Variants in RPTOR observed in about 807,000 individuals in gnomAD.
RPTOR encodes the protein regulatory-associated protein of mTOR.
RPTOR carries 21 observed loss-of-function variants against 169.9 expected under a neutral mutation model. The observed-to-expected ratio is 0.12, with a 90% confidence interval of 0.09 to 0.18. The LOEUF (loss-of-function observed/expected upper bound fraction) is 0.18, where lower values mean the gene tolerates loss of function less well. Among genes scored for constraint, RPTOR ranks in the 10% least tolerant of loss-of-function variants. The pLI is 1.00. For synonymous variants in RPTOR, 732 were observed against 753.2 expected (o/e 0.97, Z 0.46); for missense variants, 1,133 against 1,855.9 (o/e 0.61, Z 7.16).
At chr17:80,903,653 G>C (rs1338254345) in intron 20 of RPTOR, among the ~76,000 whole-genome samples, 3 of 152,184 alleles carry the variant, frequency 2.0e-5, no homozygotes, top group African/African-American at 4.8e-5. Context: ...TGGGTACCTA[G>C]AACTACAGTT....
chr17:80,758,234 C>T (rs1443116430), intron 6 of RPTOR, among the ~76,000 whole-genome samples: 1 of 152,188 alleles, frequency 6.6e-6, no homozygotes, highest in Non-Finnish European at 1.5e-5. Context: ...CCTTATGGCA[C>T]CAAGGGCTGT....
intron 1 of RPTOR, among the ~76,000 whole-genome samples, chr17:80,554,783 AC>A (rs1454430668): frequency 5.9e-5 from 9 of 151,284 alleles, no homozygotes; most frequent in African/African-American, 2.2e-4. Context: ...AACAACAACA[AC>A]AAAAAAAATG....
chr17:80,889,110 G>A (rs542445591), intron 17 of RPTOR, among the ~76,000 whole-genome samples: 64 of 152,372 alleles, frequency 4.2e-4, no homozygotes, highest in African/African-American at 1.4e-3. Flanking sequence ...CTGCAGGGAC[G>A]GCGCAGGAGG....
chr17:80,942,580 C>CCCT (rs1385767861), intron 25 of RPTOR, among the ~76,000 whole-genome samples: 4 of 152,008 alleles, frequency 2.6e-5, no homozygotes, highest in African/African-American at 9.7e-5. Context: ...TGAGGCCGCG[C>CCCT]CCTCCTCCCA....
At chr17:80,666,243 A>C (rs2065778324) in intron 3 of RPTOR, among the ~76,000 whole-genome samples, 1 of 149,980 alleles carries the variant, frequency 6.7e-6, no homozygotes, top group Non-Finnish European at 1.5e-5. Flanking sequence ...TTCTTCTCCA[A>C]AGTTGGTTTG....
chr17:80,823,374 C>CA lies in RPTOR; in HGVS notation c.1136+151_1136+152insA. 5.5e-5 allele frequency: 46 copies of CA among 830,438 alleles called. No homozygotes were observed. The highest frequency in any genetic ancestry group is 3.2e-4 in the South Asian group (13 of 40,320). The allele number at this position is 830,438 out of a possible 1,614,324, so 51.4% of individuals were successfully genotyped here. A position where few individuals can be genotyped will look rare whatever the true frequency, so the allele number is the denominator to read the frequency against. ...ACAAGTGAAGCTAAATGCAGGGCTCCCAGAGATCTCCACACAGAGGAGTGG... is the reference window on the plus strand; with the variant it reads ...ACAAGTGAAGCTAAATGCAGGGCTCCACAGAGATCTCCACACAGAGGAGTGG... On this transcript the variant is annotated intron_variant, in intron 9 of 33. Coordinates refer to ENST00000306801, the MANE Select transcript of RPTOR (RefSeq NM_020761.3). This position sits in a 1 kb window ranked among gnomAD's most constrained non-coding sequence, Gnocchi z 4.5.
At chr17:80,859,265 A>C (rs2067890597) in intron 13 of RPTOR, among the ~76,000 whole-genome samples, 1 of 152,222 alleles carries the variant, frequency 6.6e-6, no homozygotes, top group South Asian at 2.1e-4. Flanking sequence ...AGAACTCTCG[A>C]AAGCTCCTCG....
At chr17:80,750,976 TTTA>T (rs757087293) in intron 5 of RPTOR, among the ~76,000 whole-genome samples, 3 of 152,208 alleles carry the variant, frequency 2.0e-5, no homozygotes, top group Non-Finnish European at 4.4e-5. Context: ...TTAAATTATA[TTTA>T]TTATTAAGTA....
intron 1 of RPTOR, among the ~76,000 whole-genome samples, chr17:80,603,258 A>G (rs1351022293): frequency 6.6e-6 from 1 of 152,244 alleles, no homozygotes; most frequent in Non-Finnish European, 1.5e-5. Context: ...AGAGAAACCT[A>G]TCAAGAAACC....
intron 10 of RPTOR, among the ~76,000 whole-genome samples, chr17:80,843,973 G>A (rs948904390): frequency 2.0e-5 from 3 of 152,194 alleles, no homozygotes; most frequent in African/African-American, 7.2e-5. Flanking sequence ...GGTCCTGGCC[G>A]GGCAACCCAG....
chr17:80,932,146 C>CGCAT (rs71302046), intron 24 of RPTOR, among the ~76,000 whole-genome samples: 4 of 145,874 alleles, frequency 2.7e-5, no homozygotes, highest in African/African-American at 1.0e-4. Context: ...TCCAGGCATG[C>CGCAT]ATATATATAT....
chr17:80,897,611 C>T (rs72857980), intron 20 of RPTOR, among the ~76,000 whole-genome samples: 6,948 of 152,314 alleles, frequency 0.046, 191 homozygotes, highest in South Asian at 0.059. Context: ...CCCCTGACAT[C>T]GCTGCCTTAC....
chr17:80,779,261 A>G (rs781057595), intron 6 of RPTOR, among the ~76,000 whole-genome samples: 8 of 152,186 alleles, frequency 5.3e-5, no homozygotes, highest in Non-Finnish European at 1.2e-4. Context: ...AAAATTGTCC[A>G]TGAGGTAAAT....
rs1007150788 is a variant in RPTOR at position 80,659,647 on chromosome 17, C to T, written c.348+15837C>T. On this transcript the variant is annotated intron_variant, in intron 3 of 33. Transcript: ENST00000306801. This position sits in a 1 kb window ranked among gnomAD's most constrained non-coding sequence, Gnocchi z 4.3. ...TCAGCCTCCCAAGTAGCTGGGACTA[C>T]GGGCACGCACCAGCACACTCGGCTA... Among the ~76,000 whole-genome samples the T allele has an allele frequency of 3.9e-5, 6 of 152,106 alleles. No individual in the cohort carries two copies. Among genetic ancestry groups the T allele is most frequent in the South Asian group, 4.2e-4 (2 of 4,814 alleles).
intron 20 of RPTOR, among the ~76,000 whole-genome samples, chr17:80,904,151 A>G (rs917626379): frequency 1.3e-5 from 2 of 152,078 alleles, no homozygotes; most frequent in African/African-American, 4.8e-5. Flanking sequence ...AGGAGGAGGG[A>G]GGGCGGAGCG....
At chr17:80,962,698 T>G (rs1001742255) in intron 32 of RPTOR, 121 bp downstream of exon 32, 3 of 1,088,296 alleles carry the variant, frequency 2.8e-6, no homozygotes, top group African/African-American at 1.6e-5. Flanking sequence ...ATTTCACTGC[T>G]GTGGGGACAT....
intron 7 of RPTOR, among the ~76,000 whole-genome samples, chr17:80,795,374 G>C (rs1161676132): frequency 6.6e-6 from 1 of 152,106 alleles, no homozygotes; most frequent in Non-Finnish European, 1.5e-5. Flanking sequence ...CCTAAATCAC[G>C]ATGTTAGCGT....
intron 24 of RPTOR, among the ~76,000 whole-genome samples, chr17:80,934,855 G>C (rs2068936959): frequency 6.6e-6 from 1 of 151,982 alleles, no homozygotes; most frequent in South Asian, 2.1e-4. Flanking sequence ...GATATCACAA[G>C]AATAAAAAAC....
chr17:80,911,255 G>A (rs572735685), intron 21 of RPTOR, among the ~76,000 whole-genome samples: 29 of 152,222 alleles, frequency 1.9e-4, no homozygotes, highest in African/African-American at 6.7e-4. Flanking sequence ...CTTCGTCACC[G>A]CATCCCTGCA....
Sources: gnomAD v4.1 joint callset for allele counts (sites outside exome capture counted in the v4.1 genomes callset) on GRCh38, gnomAD v4.1.1 for gene constraint, Gnocchi (gnomAD v3.1) non-coding constraint, MANE v1.5 for transcripts, NCBI Gene and HGNC (gene_info 2026-07-23, HGNC 2026-07-21) for gene names.